The following SNTG1 variants were observed in gnomAD, a reference collection of about 807,000 sequenced individuals.
The protein encoded by SNTG1 is gamma-1-syntrophin.
A neutral mutation model predicts 74.7 loss-of-function variants in SNTG1; 39 were observed. The ratio of observed to expected loss-of-function variants is 0.52; its 90% CI spans 0.40 to 0.68. The LOEUF is 0.68. SNTG1 is among the 30% of genes least tolerant of loss of function. SNTG1 has a pLI of 0.00. For missense variants in SNTG1, 685 were observed against 609.5 expected, an observed-to-expected ratio of 1.12 and a Z score of -1.30; for synonymous variants, 254 against 217.1, an observed-to-expected ratio of 1.17 and a Z score of -1.49.
intron 1 of SNTG1, among the ~76,000 whole-genome samples, chr8:49,987,741 C>T (rs377371662): frequency 5.0e-4 from 76 of 151,116 alleles, no homozygotes; most frequent in African/African-American, 1.6e-3. Context: ...CTCTGCCTCC[C>T]GGGTTCAAGC....
At chr8:50,253,075 G>T (rs183160654) in intron 2 of SNTG1, among the ~76,000 whole-genome samples, 7 of 152,222 alleles carry the variant, frequency 4.6e-5, no homozygotes, top group Admixed American at 1.3e-4. Flanking sequence ...ACACACCGTT[G>T]GTGGGACTGT....
At chr8:50,741,723 G>A (rs892581026) in intron 17 of SNTG1, among the ~76,000 whole-genome samples, 3 of 152,042 alleles carry the variant, frequency 2.0e-5, no homozygotes, top group East Asian at 3.9e-4. Flanking sequence ...GAAATGGCAT[G>A]ATGGAAACAA....
At chr8:50,250,657 C>T (rs979432710) in intron 2 of SNTG1, among the ~76,000 whole-genome samples, 1 of 152,004 alleles carries the variant, frequency 6.6e-6, no homozygotes, top group African/African-American at 2.4e-5. Context: ...AAATTGATGA[C>T]ATACTACAAA....
chr8:50,361,671 G>A (rs1297021389), intron 2 of SNTG1, among the ~76,000 whole-genome samples: 3 of 151,966 alleles, frequency 2.0e-5, no homozygotes, highest in Non-Finnish European at 4.4e-5. Flanking sequence ...ATTTTTTTTG[G>A]GGGAGGTCAC....
intron 12 of SNTG1, among the ~76,000 whole-genome samples, chr8:50,577,238 CT>C (rs2094581874): frequency 6.6e-6 from 1 of 152,018 alleles, no homozygotes; most frequent in South Asian, 2.1e-4. Flanking sequence ...TGATTATCTG[CT>C]TTTTGCTTTC....
chr8:50,351,337 C>T (rs1360177293), intron 2 of SNTG1, among the ~76,000 whole-genome samples: 2 of 152,200 alleles, frequency 1.3e-5, no homozygotes, highest in Non-Finnish European at 2.9e-5. Context: ...CGTCCCTTCA[C>T]TCACCATTTG....
chr8:50,568,070 T>A (rs911821522), intron 12 of SNTG1, among the ~76,000 whole-genome samples: 3 of 152,138 alleles, frequency 2.0e-5, no homozygotes, highest in African/African-American at 7.2e-5. Context: ...TGAAAACAAC[T>A]GTTTTAGATT....
intron 1 of SNTG1, among the ~76,000 whole-genome samples, chr8:50,111,274 A>G (rs1563610999): frequency 6.6e-6 from 1 of 152,106 alleles, no homozygotes; most frequent in Admixed American, 6.6e-5. Flanking sequence ...CTACCCCCCC[A>G]ATATAATGGT....
intron 2 of SNTG1, among the ~76,000 whole-genome samples, chr8:50,271,876 T>C (rs997749232): frequency 3.3e-5 from 5 of 152,058 alleles, no homozygotes; most frequent in Non-Finnish European, 7.4e-5. Context: ...GATTAGGAGG[T>C]GGAGCCTTTT....
chr8:50,476,139 G>A (rs76144473), intron 8 of SNTG1, among the ~76,000 whole-genome samples: 11,913 of 152,000 alleles, frequency 0.078, 1,022 homozygotes, highest in African/African-American at 0.22. Flanking sequence ...TTTTCAAGTC[G>A]CCCTAATTTT....
In SNTG1 at chr8:50,089,593, G is replaced by A. The variant is rs28504338; in HGVS notation, c.-102-82968G>A. On this transcript the variant is annotated intron_variant, in intron 1 of 18. Coordinates refer to ENST00000642720, the MANE Select transcript of SNTG1 (RefSeq NM_018967.5). ...CAAACAACCCCATCAAAAAGTGGGC[G>A]AAAGACATGAACAGACACTTCTCAA... is the stretch of plus-strand genomic sequence containing the variant. 5.9e-3 allele frequency among the ~76,000 whole-genome samples: 891 copies of A among 152,146 alleles called. 8 individuals are homozygous for A. The highest frequency in any genetic ancestry group is 0.016 in the African/African-American group (676 of 41,498).
At chr8:50,523,840 T>A (rs1164642020) in intron 9 of SNTG1, among the ~76,000 whole-genome samples, 1 of 152,152 alleles carries the variant, frequency 6.6e-6, no homozygotes, top group Non-Finnish European at 1.5e-5. Context: ...CTTCAATTTG[T>A]AAAAAATCTG....
At chr8:50,424,825 A>T (rs2093141078) in intron 4 of SNTG1, among the ~76,000 whole-genome samples, 1 of 152,214 alleles carries the variant, frequency 6.6e-6, no homozygotes, top group South Asian at 2.1e-4. Context: ...GCCATTTAGG[A>T]GCTTCAGGAA....
chr8:50,104,994 T>C (rs2080309631), intron 1 of SNTG1, among the ~76,000 whole-genome samples: 1 of 152,148 alleles, frequency 6.6e-6, no homozygotes, highest in Non-Finnish European at 1.5e-5. Context: ...AGGTTGTCTA[T>C]TTACTCTGTT....
At chr8:50,051,934 T>TA (rs1258588029) in intron 1 of SNTG1, among the ~76,000 whole-genome samples, 1 of 152,094 alleles carries the variant, frequency 6.6e-6, no homozygotes, top group African/African-American at 2.4e-5. Flanking sequence ...TCTAAATTTT[T>TA]AAAAATATTT....
chr8:50,748,354 G>A (rs1328594304), intron 17 of SNTG1, among the ~76,000 whole-genome samples: 1 of 151,966 alleles, frequency 6.6e-6, no homozygotes, highest in African/African-American at 2.4e-5. Flanking sequence ...ATTTTGCTAG[G>A]TGAAGGGGTA....
Position 50,224,346 on chromosome 8 carries a change from G to A in SNTG1, c.-28+51711G>A, listed in dbSNP as rs149434673. Among the ~76,000 whole-genome samples, 48 of 152,102 alleles carry A rather than the reference G, an allele frequency of 3.2e-4. 1 individual carries two copies. Among genetic ancestry groups the A allele is most frequent in the African/African-American group, 1.1e-3 (46 of 41,508 alleles). On this transcript the variant is annotated intron_variant, in intron 2 of 18. Coordinates refer to ENST00000642720, the MANE Select transcript of SNTG1 (RefSeq NM_018967.5). ...CCTAATCAGGGGACATCCCTCCATGGGTCCCAGGCTTTGTAGATCCCACAG... is the reference window on the plus strand; with the variant it reads ...CCTAATCAGGGGACATCCCTCCATGAGTCCCAGGCTTTGTAGATCCCACAG...
At chr8:50,269,829 TGGG>T (rs1433585248) in intron 2 of SNTG1, among the ~76,000 whole-genome samples, 1 of 152,014 alleles carries the variant, frequency 6.6e-6, no homozygotes. Context: ...AGGCAGTATG[TGGG>T]GAGTTACATA....
At chr8:50,712,478 C>A (rs1012803324) in intron 17 of SNTG1, among the ~76,000 whole-genome samples, 5 of 151,986 alleles carry the variant, frequency 3.3e-5, no homozygotes, top group African/African-American at 9.7e-5. Flanking sequence ...TTTTTAGATT[C>A]TTTTTCTTAT....
Sources: gnomAD v4.1 joint callset for allele counts (sites outside exome capture counted in the v4.1 genomes callset) on GRCh38, gnomAD v4.1.1 for gene constraint, MANE v1.5 for transcripts, NCBI Gene and HGNC (gene_info 2026-07-23, HGNC 2026-07-21) for gene names.